The following TRAPPC9 variants were observed in gnomAD, a reference collection of about 807,000 sequenced individuals.
TRAPPC9 encodes trafficking protein particle complex subunit 9.
TRAPPC9 carries 83 observed loss-of-function variants against 124.0 expected under a neutral mutation model. The ratio of observed to expected loss-of-function variants is 0.67; its 90% confidence interval spans 0.56 to 0.80. The LOEUF is 0.80. TRAPPC9 is among the 30% of genes least tolerant of loss of function. TRAPPC9 has a pLI of 0.00. For synonymous variants in TRAPPC9, 638 were observed against 617.5 expected (o/e 1.03, Z -0.49); for missense variants, 1,302 against 1,508.3 (o/e 0.86, Z 2.27).
upstream of TRAPPC9, chr8:140,457,846 G>A (rs1232884098): frequency 4.6e-5 from 51 of 1,113,962 alleles, 2 homozygotes; most frequent in South Asian, 9.5e-4. Flanking sequence ...CAAGGGGGTA[G>A]GAGCGAGGGA....
At chr8:140,106,221 A>G (rs186096241) in intron 17 of TRAPPC9, among the ~76,000 whole-genome samples, 8 of 152,270 alleles carry the variant, frequency 5.3e-5, no homozygotes, top group Admixed American at 2.0e-4. Flanking sequence ...AGATCGTGCC[A>G]TCAGAGCAGA....
At position 139,981,257 on chromosome 8, in the gene TRAPPC9, C is replaced by T. The variant is rs571375152; in HGVS notation, c.2810+7469G>A. ...CTGGCCAGGGAGTCCAGAGCCCAGG[C>T]TCTATCAGGCCTCTGCCACGGGCTC... On this transcript the variant is annotated intron_variant, in intron 19 of 22. Coordinates refer to ENST00000438773, the MANE Select transcript of TRAPPC9 (RefSeq NM_001160372.4). Among the ~76,000 whole-genome samples the T allele has an allele frequency of 3.9e-5, 6 of 152,208 alleles. No homozygotes were observed. The South Asian group carries it at 1.2e-3, about 32-fold the overall frequency.
At chr8:139,899,822 C>A (rs1239357284) in intron 20 of TRAPPC9, among the ~76,000 whole-genome samples, 2 of 152,154 alleles carry the variant, frequency 1.3e-5, no homozygotes, top group South Asian at 4.1e-4. Context: ...ACTCGACACC[C>A]TTTAAAGGCC....
At chr8:140,134,159 G>A (rs896353126) in intron 17 of TRAPPC9, among the ~76,000 whole-genome samples, 5 of 152,190 alleles carry the variant, frequency 3.3e-5, no homozygotes, top group East Asian at 3.9e-4. Context: ...ACAAAGCCAC[G>A]GTAATACAAA....
At chr8:140,176,144 A>G (rs2062066016) in intron 17 of TRAPPC9, among the ~76,000 whole-genome samples, 1 of 152,274 alleles carries the variant, frequency 6.6e-6, no homozygotes, top group African/African-American at 2.4e-5. Flanking sequence ...CTCTTGAACT[A>G]TGAAAGTTGT....
At chr8:140,007,308 T>C (rs970561573) in intron 18 of TRAPPC9, among the ~76,000 whole-genome samples, 1 of 152,208 alleles carries the variant, frequency 6.6e-6, no homozygotes, top group Non-Finnish European at 1.5e-5. Flanking sequence ...CTGAGTTGCA[T>C]TCATCTAATC....
chr8:140,406,604 T>A (rs906049255), intron 5 of TRAPPC9, among the ~76,000 whole-genome samples: 21 of 152,214 alleles, frequency 1.4e-4, no homozygotes, highest in African/African-American at 3.9e-4. Context: ...GTTCTCTAAT[T>A]CTGTAAGCTG....
intron 21 of TRAPPC9, among the ~76,000 whole-genome samples, chr8:139,819,408 TC>T (rs1170087953): frequency 6.6e-6 from 1 of 152,088 alleles, no homozygotes; most frequent in Non-Finnish European, 1.5e-5. Context: ...CCTGAAAGCA[TC>T]CCCCACCACT....
chr8:139,838,178 G>T (rs1184577352), intron 21 of TRAPPC9, among the ~76,000 whole-genome samples: 1 of 152,124 alleles, frequency 6.6e-6, no homozygotes, highest in Non-Finnish European at 1.5e-5. Flanking sequence ...GCCTCTTCTT[G>T]TGACTGGATA....
chr8:139,988,628 T>C (rs1587424023), intron 19 of TRAPPC9, 98 bp downstream of exon 19: 1 of 797,392 alleles, frequency 1.3e-6, no homozygotes, highest in Non-Finnish European at 2.1e-6. Flanking sequence ...CTGCCCATCC[T>C]CTGAGGACTT....
At chr8:140,384,802 C>T (rs2068709257) in intron 7 of TRAPPC9, among the ~76,000 whole-genome samples, 1 of 152,170 alleles carries the variant, frequency 6.6e-6, no homozygotes, top group Non-Finnish European at 1.5e-5. Flanking sequence ...TTGAACTCAG[C>T]TCTGCACCAA....
chr8:140,141,515 G>A (rs1006526534), intron 17 of TRAPPC9, among the ~76,000 whole-genome samples: 3 of 152,186 alleles, frequency 2.0e-5, no homozygotes, highest in Non-Finnish European at 4.4e-5. Flanking sequence ...GGGGACGACT[G>A]TATGTCTCTG....
chr8:140,208,940 AGGACTAGAGTATGTGT>A (rs1241408586), intron 17 of TRAPPC9, among the ~76,000 whole-genome samples: 2 of 152,368 alleles, frequency 1.3e-5, no homozygotes, highest in East Asian at 3.9e-4. Context: ...GGCCAACTGC[AGGACTAGAGTATGTGT>A]GGATTTGGGT....
chr8:139,771,020 A>G (rs183372991), intron 21 of TRAPPC9, among the ~76,000 whole-genome samples: 41 of 152,136 alleles, frequency 2.7e-4, no homozygotes, highest in Middle Eastern at 3.4e-3. Flanking sequence ...TAGAAAGTGT[A>G]CCCCCAGGGA....
chr8:140,270,729 C>T (rs2064851263), intron 15 of TRAPPC9, among the ~76,000 whole-genome samples: 1 of 152,164 alleles, frequency 6.6e-6, no homozygotes, highest in Non-Finnish European at 1.5e-5. Context: ...TGGGAGAAGT[C>T]AGCATGGCGT....
At chr8:140,303,427 T>C (rs1418691231) in intron 10 of TRAPPC9, among the ~76,000 whole-genome samples, 2 of 152,260 alleles carry the variant, frequency 1.3e-5, no homozygotes, top group Admixed American at 6.5e-5. Flanking sequence ...AGGGGCCTGA[T>C]AGACTACTGT....
intron 17 of TRAPPC9, among the ~76,000 whole-genome samples, chr8:140,025,951 G>A (rs558859242): frequency 6.6e-6 from 1 of 152,196 alleles, no homozygotes; most frequent in East Asian, 1.9e-4. Context: ...TCCGTCCCCA[G>A]AACTACTCCA....
intron 21 of TRAPPC9, among the ~76,000 whole-genome samples, chr8:139,873,963 G>C (rs1829160619): frequency 6.6e-6 from 1 of 152,184 alleles, no homozygotes; most frequent in South Asian, 2.1e-4. Context: ...TCTCAAACTG[G>C]CTGCTGCCTT....
chr8:140,133,473 G>C (rs1266203721), intron 17 of TRAPPC9, among the ~76,000 whole-genome samples: 1 of 152,220 alleles, frequency 6.6e-6, no homozygotes, highest in East Asian at 1.9e-4. Flanking sequence ...AACAGAGAAA[G>C]ACTGAAAGCT....
Sources: gnomAD v4.1 joint callset for allele counts (sites outside exome capture counted in the v4.1 genomes callset) on GRCh38, gnomAD v4.1.1 for gene constraint, MANE v1.5 for transcripts, NCBI Gene and HGNC (gene_info 2026-07-23, HGNC 2026-07-21) for gene names.